FHIT: variants seen among roughly 807,000 people sequenced by gnomAD.
FHIT encodes fragile histidine triad diadenosine triphosphatase, also known as bis(5'-adenosyl)-triphosphatase.
Under a neutral mutation model 17.9 loss-of-function variants are expected in FHIT, and 19 were observed. The ratio of observed to expected loss-of-function variants is 1.06; its 90% CI spans 0.74 to 1.56. FHIT has a LOEUF of 1.56. Ranked by LOEUF, FHIT falls within the 40% of genes most tolerant of loss-of-function variation. FHIT has a pLI of 0.00. For synonymous variants in FHIT, 81 were observed against 69.7 expected, an observed-to-expected ratio of 1.16 and a Z score of -0.81; for missense variants, 248 against 189.2, an observed-to-expected ratio of 1.31 and a Z score of -1.82.
chr3:60,157,242 C>T (rs1430336047), intron 5 of FHIT, among the ~76,000 whole-genome samples: 4 of 152,028 alleles, frequency 2.6e-5, no homozygotes, highest in African/African-American at 9.7e-5. Context: ...TACGAAAGAC[C>T]ACAGTGAATG....
intron 4 of FHIT, among the ~76,000 whole-genome samples, chr3:60,792,441 A>G (rs1300415748): frequency 3.3e-5 from 5 of 152,242 alleles, no homozygotes; most frequent in African/African-American, 9.6e-5. Context: ...ATGGCTCTCA[A>G]TGCAGTCACA....
intron 5 of FHIT, among the ~76,000 whole-genome samples, chr3:60,419,831 G>A (rs539422054): frequency 6.6e-6 from 1 of 152,206 alleles, no homozygotes; most frequent in Admixed American, 6.5e-5. Flanking sequence ...TGGGTAAAAT[G>A]GGCATAATAT....
intron 3 of FHIT, among the ~76,000 whole-genome samples, chr3:61,009,400 C>G (rs1404016035): frequency 6.6e-6 from 1 of 152,146 alleles, no homozygotes; most frequent in Non-Finnish European, 1.5e-5. Flanking sequence ...GAAATTTGAT[C>G]TTAAGAAATA....
chr3:59,817,842 C>T (rs1034242648), intron 8 of FHIT, among the ~76,000 whole-genome samples: 1 of 152,056 alleles, frequency 6.6e-6, no homozygotes, highest in East Asian at 1.9e-4. Context: ...AAATGAGCTG[C>T]AGAACACTTT....
chr3:60,220,002 G>A (rs1197510539), intron 5 of FHIT, among the ~76,000 whole-genome samples: 2 of 152,048 alleles, frequency 1.3e-5, no homozygotes, highest in African/African-American at 4.8e-5. Context: ...GTGGCTCATG[G>A]ACATCAGTCC....
intron 5 of FHIT, among the ~76,000 whole-genome samples, chr3:60,374,886 T>C (rs1164407423): frequency 1.3e-5 from 2 of 152,060 alleles, no homozygotes; most frequent in African/African-American, 2.4e-5. Flanking sequence ...TTTGCTGCTC[T>C]ACAGTCAGTT....
intron 5 of FHIT, among the ~76,000 whole-genome samples, chr3:60,297,685 G>T (rs1484171167): frequency 6.6e-6 from 1 of 152,028 alleles, no homozygotes; most frequent in African/African-American, 2.4e-5. Context: ...AAAAGTATCA[G>T]AACTTGCGTA....
chr3:59,861,754 C>T (rs1193944022), intron 8 of FHIT, among the ~76,000 whole-genome samples: 4 of 152,050 alleles, frequency 2.6e-5, no homozygotes, highest in Non-Finnish European at 5.9e-5. Flanking sequence ...TAAATTAGAC[C>T]TTAATTTCTT....
Position 61,217,051 on chromosome 3 carries a change from G to T in FHIT, c.-212-16386C>A, listed in dbSNP as rs189585157. Among the ~76,000 whole-genome samples the T allele has an allele frequency of 8.9e-3, 1,357 of 151,938 alleles. 24 individuals are homozygous for T. Among genetic ancestry groups the T allele is most frequent in the African/African-American group, 0.031 (1,298 of 41,408 alleles). On this transcript the variant is annotated intron_variant, in intron 1 of 9. Coordinates refer to ENST00000492590, the MANE Select transcript of FHIT (RefSeq NM_002012.4). ...GGAGATATGCCTAATGCTAAATGAT[G>T]AGTTAATGAGTGCAGCACACCAGCA... is the stretch of plus-strand genomic sequence containing the variant.
At chr3:60,530,061 G>C (rs1462853158) in intron 5 of FHIT, among the ~76,000 whole-genome samples, 1 of 152,090 alleles carries the variant, frequency 6.6e-6, no homozygotes, top group Non-Finnish European at 1.5e-5. Context: ...GCATAATCAG[G>C]TCAGGCCAGC....
chr3:60,780,203 TG>T (rs1186182804), intron 4 of FHIT, among the ~76,000 whole-genome samples: 1 of 152,212 alleles, frequency 6.6e-6, no homozygotes, highest in Non-Finnish European at 1.5e-5. Flanking sequence ...CCTGAACCTC[TG>T]GGACTCCTTT....
At chr3:60,940,477 A>G (rs910803865) in intron 3 of FHIT, among the ~76,000 whole-genome samples, 55 of 152,292 alleles carry the variant, frequency 3.6e-4, no homozygotes, top group African/African-American at 1.3e-3. Flanking sequence ...TGGTCCTCCA[A>G]CTGGATTTTT....
chr3:61,041,523 T>G (rs2033515390), intron 3 of FHIT, among the ~76,000 whole-genome samples: 1 of 152,194 alleles, frequency 6.6e-6, no homozygotes, highest in Non-Finnish European at 1.5e-5. Flanking sequence ...TGTGTGATCA[T>G]GGATATTAAT....
chr3:61,103,532 T>G (rs1396281356), intron 2 of FHIT, among the ~76,000 whole-genome samples: 1 of 152,210 alleles, frequency 6.6e-6, no homozygotes, highest in Non-Finnish European at 1.5e-5. Flanking sequence ...TATATTCTGT[T>G]GATTTGGAGT....
intron 2 of FHIT, among the ~76,000 whole-genome samples, chr3:61,143,801 G>C (rs1430889334): frequency 6.6e-6 from 1 of 152,154 alleles, no homozygotes; most frequent in Non-Finnish European, 1.5e-5. Context: ...AGGAGGCAGA[G>C]GTTGCAGTGT....
At chr3:61,126,168 G>T (rs1291455924) in intron 2 of FHIT, among the ~76,000 whole-genome samples, 3 of 152,028 alleles carry the variant, frequency 2.0e-5, no homozygotes, top group Non-Finnish European at 4.4e-5. Flanking sequence ...CTCATTTTCA[G>T]TCAAATATTT....
chr3:60,844,557 A>G (rs1553745952), intron 3 of FHIT, among the ~76,000 whole-genome samples: 1 of 152,164 alleles, frequency 6.6e-6, no homozygotes, highest in Non-Finnish European at 1.5e-5. Flanking sequence ...ATTTTCCCCA[A>G]TGACTAACCA....
At chr3:61,055,926 A>G (rs1316437329) in intron 2 of FHIT, among the ~76,000 whole-genome samples, 1 of 152,208 alleles carries the variant, frequency 6.6e-6, no homozygotes, top group Non-Finnish European at 1.5e-5. Flanking sequence ...TAATAATCAC[A>G]TCAGGGTACG....
chr3:61,135,878 C>T (rs1486445750), intron 2 of FHIT, among the ~76,000 whole-genome samples: 1 of 151,998 alleles, frequency 6.6e-6, no homozygotes, highest in African/African-American at 2.4e-5. Context: ...ACCAAAAGCA[C>T]AGAGCTAGTT....
Sources: allele counts gnomAD v4.1 joint callset (sites outside exome capture counted in the v4.1 genomes callset), GRCh38; gene constraint gnomAD v4.1.1; transcripts MANE v1.5; gene names NCBI Gene and HGNC (gene_info 2026-07-23, HGNC 2026-07-21).